Variants in HS6ST3 observed in about 807,000 individuals in gnomAD.
The protein encoded by HS6ST3 is heparan-sulfate 6-O-sulfotransferase 3.
A neutral mutation model predicts 36.7 loss-of-function variants in HS6ST3; 12 were observed. That is an observed-to-expected ratio of 0.33 (90% CI 0.21 to 0.53). The LOEUF is 0.53. Among genes scored for constraint, HS6ST3 ranks in the 20% least tolerant of loss-of-function variants. The pLI is 0.95. For synonymous variants in HS6ST3, 240 were observed against 257.5 expected, an observed-to-expected ratio of 0.93 and a Z score of 0.65; for missense variants, 584 against 640.9, an observed-to-expected ratio of 0.91 and a Z score of 0.96.
At chr13:96,616,452 A>G (rs2056474626) in intron 1 of HS6ST3, among the ~76,000 whole-genome samples, 1 of 152,166 alleles carries the variant, frequency 6.6e-6, no homozygotes, top group Non-Finnish European at 1.5e-5. Flanking sequence ...TATTATCAGC[A>G]CTGCCACCAG....
At chr13:96,406,735 G>A (rs2055480447) in intron 1 of HS6ST3, among the ~76,000 whole-genome samples, 1 of 152,122 alleles carries the variant, frequency 6.6e-6, no homozygotes, top group Admixed American at 6.6e-5. Flanking sequence ...ATAGGGGTGG[G>A]GAGAATGCAG....
chr13:96,817,802 TAATC>T (rs1296675216), intron 1 of HS6ST3, among the ~76,000 whole-genome samples: 3 of 152,134 alleles, frequency 2.0e-5, no homozygotes, highest in Non-Finnish European at 2.9e-5. Flanking sequence ...CCAAGAGAAA[TAATC>T]AACACAAAGG....
intron 1 of HS6ST3, among the ~76,000 whole-genome samples, chr13:96,419,188 A>G (rs1290715434): frequency 1.3e-5 from 2 of 152,236 alleles, no homozygotes; most frequent in African/African-American, 4.8e-5. Flanking sequence ...ATTTAGTGTG[A>G]ATGCTTTTCA....
At chr13:96,821,688 A>G (rs986239944) in intron 1 of HS6ST3, among the ~76,000 whole-genome samples, 3 of 152,198 alleles carry the variant, frequency 2.0e-5, no homozygotes, top group Non-Finnish European at 4.4e-5. Context: ...GACCTCAGAG[A>G]CAATCTTTGT....
At chr13:96,274,740 A>G (rs890635794) in intron 1 of HS6ST3, among the ~76,000 whole-genome samples, 1 of 152,022 alleles carries the variant, frequency 6.6e-6, no homozygotes, top group African/African-American at 2.4e-5. Flanking sequence ...TAATCAACCA[A>G]GCGAAGCTGT....
At chr13:96,142,658 T>C (rs971495125) in intron 1 of HS6ST3, among the ~76,000 whole-genome samples, 1 of 152,174 alleles carries the variant, frequency 6.6e-6, no homozygotes, top group Non-Finnish European at 1.5e-5. Context: ...GTAGTTATGA[T>C]ACACGGGAAC....
intron 1 of HS6ST3, among the ~76,000 whole-genome samples, chr13:96,645,558 CATAA>C (rs2056585793): frequency 6.6e-6 from 1 of 151,260 alleles, no homozygotes; most frequent in Non-Finnish European, 1.5e-5. Context: ...TTGAAATCTC[CATAA>C]GTGTGTTTGA....
intron 1 of HS6ST3, among the ~76,000 whole-genome samples, chr13:96,200,848 T>C (rs1327894981): frequency 6.6e-6 from 1 of 152,174 alleles, no homozygotes; most frequent in African/African-American, 2.4e-5. Context: ...TGATCCTACT[T>C]TGCCTCTGGA....
chr13:96,486,517 T>C (rs2055915708), intron 1 of HS6ST3, among the ~76,000 whole-genome samples: 2 of 152,316 alleles, frequency 1.3e-5, no homozygotes, highest in South Asian at 4.1e-4. Context: ...CCACATCCTC[T>C]CCAGCACTTG....
intron 1 of HS6ST3, among the ~76,000 whole-genome samples, chr13:96,268,640 TC>T (rs1358923052): frequency 1.3e-5 from 2 of 151,966 alleles, no homozygotes; most frequent in Non-Finnish European, 2.9e-5. Context: ...AAGCAACTCT[TC>T]CTAAAATTTC....
chr13:96,553,145 C>T (rs983103362), intron 1 of HS6ST3, among the ~76,000 whole-genome samples: 8 of 152,172 alleles, frequency 5.3e-5, no homozygotes, highest in Non-Finnish European at 1.2e-4. Flanking sequence ...TCCCCACATG[C>T]ACAGTTTGTT....
Position 96,508,020 on chromosome 13 carries a change from T to C in HS6ST3, c.708-324470T>C, listed in dbSNP as rs190517920. On this transcript the variant is annotated intron_variant, in intron 1 of 1. Transcript: ENST00000376705. Reference sequence around the variant, plus strand: ...AGAGTTGAAATTACAATGCTTGTTATACCTACATGTTTGAAATTTAGACTT... The same window carrying C: ...AGAGTTGAAATTACAATGCTTGTTACACCTACATGTTTGAAATTTAGACTT... 2.0e-5 allele frequency among the ~76,000 whole-genome samples: 3 copies of C among 152,260 alleles called. No individual in the cohort carries two copies. The East Asian group carries it at 5.8e-4, about 29-fold the overall frequency.
At position 96,645,035 on chromosome 13, in the gene HS6ST3, G is replaced by A. The variant is rs546604454; in HGVS notation, c.708-187455G>A. 9.1e-4 allele frequency among the ~76,000 whole-genome samples: 139 copies of A among 151,938 alleles called. 1 individual carries two copies. Among genetic ancestry groups the A allele is most frequent in the African/African-American group, 3.2e-3 (131 of 41,486 alleles). Reference sequence around the variant, plus strand: ...TGTGTGCTCAGGTCACTAGATATGCGCCATGAAGAGATTCAGAGGCCTAAT... The same window carrying A: ...TGTGTGCTCAGGTCACTAGATATGCACCATGAAGAGATTCAGAGGCCTAAT... On this transcript the variant is annotated intron_variant, in intron 1 of 1. Transcript: ENST00000376705.
intron 1 of HS6ST3, among the ~76,000 whole-genome samples, chr13:96,519,702 G>A (rs2056085969): frequency 6.6e-6 from 1 of 152,180 alleles, no homozygotes; most frequent in African/African-American, 2.4e-5. Context: ...TCCTACCTAT[G>A]TGATTTATTA....
In HS6ST3 at chr13:96,508,795, G is replaced by C. The variant is rs543073238; in HGVS notation, c.708-323695G>C. On this transcript the variant is annotated intron_variant, in intron 1 of 1. Coordinates refer to ENST00000376705, the MANE Select transcript of HS6ST3 (RefSeq NM_153456.4). The stretch of plus-strand genomic sequence containing the variant: ...ACATTAGTTGATGGATACTTAGGTT[G>C]GTTCCATATCTTTACAGTTTTGAAT... 7.9e-5 allele frequency among the ~76,000 whole-genome samples: 12 copies of C among 152,164 alleles called. No homozygotes were observed. In the South Asian group the frequency reaches 2.5e-3, roughly 32 times the overall value.
chr13:96,799,991 T>C (rs1482572988), intron 1 of HS6ST3, among the ~76,000 whole-genome samples: 1 of 122,470 alleles, frequency 8.2e-6, no homozygotes, highest in Admixed American at 8.2e-5. Flanking sequence ...TGTATATATA[T>C]ATATATGTAT....
At chr13:96,148,063 T>C (rs766062341) in intron 1 of HS6ST3, among the ~76,000 whole-genome samples, 2 of 152,252 alleles carry the variant, frequency 1.3e-5, no homozygotes, top group East Asian at 3.8e-4. Flanking sequence ...CTTGTCTGTA[T>C]TAATCTTTCT....
intron 1 of HS6ST3, among the ~76,000 whole-genome samples, chr13:96,680,264 G>T (rs1566428113): frequency 6.6e-6 from 1 of 152,048 alleles, no homozygotes; most frequent in Non-Finnish European, 1.5e-5. Context: ...ACACCACCAT[G>T]CCATCACCAC....
At chr13:96,796,053 T>C (rs1256783095) in intron 1 of HS6ST3, among the ~76,000 whole-genome samples, 2 of 152,144 alleles carry the variant, frequency 1.3e-5, no homozygotes. Context: ...ACCATTAGTA[T>C]TGATAGAAGA....
Sources: allele counts gnomAD v4.1 joint callset (sites outside exome capture counted in the v4.1 genomes callset), GRCh38; gene constraint gnomAD v4.1.1; transcripts MANE v1.5; gene names NCBI Gene and HGNC (gene_info 2026-07-23, HGNC 2026-07-21).